CEP83: variants seen among roughly 807,000 people sequenced by gnomAD.
CEP83 encodes the protein centrosomal protein of 83 kDa.
In CEP83, 70 loss-of-function variants were observed where a neutral mutation model predicts 101.9. The ratio of observed to expected loss-of-function variants is 0.69; its 90% CI spans 0.57 to 0.84. CEP83 has a LOEUF of 0.84. CEP83 is among the 40% of genes least tolerant of loss of function. The probability of loss-of-function intolerance (pLI) is 0.00; values close to 1 mark genes in which losing one functional copy is unlikely to be tolerated. For missense variants in CEP83, 715 were observed against 787.2 expected, an observed-to-expected ratio of 0.91 and a Z score of 1.10; for synonymous variants, 264 against 267.9, an observed-to-expected ratio of 0.99 and a Z score of 0.14.
rs763684946 is a variant in CEP83, at chr12:94,368,198, A to C, written c.1052T>G (p.Leu351Ter). ...TTTGAGAATTTCATTGTCTGACTGT[A>C]ATCCTAGTGTTTTTCAAGGAGAAAA... is the stretch of plus-strand genomic sequence containing the variant. ...RNKIQSELDG[L>*]QSDNEILKAA... Residue 351 changes from leucine to a stop codon, truncating the protein, a stop_gained, in exon 10 of 17, where the codon TTA becomes TGA. Coordinates refer to ENST00000397809, the MANE Select transcript of CEP83 (RefSeq NM_016122.3). LOFTEE classifies it high-confidence loss of function. The C allele has an allele frequency of 6.2e-7, 1 of 1,608,844 alleles. No homozygotes were observed. The highest frequency in any genetic ancestry group is 8.5e-7 in the Non-Finnish European group (1 of 1,177,968).
At chr12:94,274,155 T>TTAAAAAA in the CEP83 span, among the ~76,000 whole-genome samples, 3 of 45,376 alleles carry the variant, frequency 6.6e-5, 1 homozygote, top group African/African-American at 3.5e-4. Flanking sequence ...ACCCTGTCTC[T>TTAAAAAA]AAAAAAAAAA....
At chr12:94,453,134 C>T (rs893737397) in intron 1 of CEP83, among the ~76,000 whole-genome samples, 7 of 152,144 alleles carry the variant, frequency 4.6e-5, no homozygotes, top group African/African-American at 1.4e-4. Context: ...GTTTCCAAAA[C>T]GTTACCCTAC....
chr12:94,436,347 G>A (rs2065985440), intron 1 of CEP83, among the ~76,000 whole-genome samples: 1 of 151,298 alleles, frequency 6.6e-6, no homozygotes. Context: ...TAAAAAACAG[G>A]ATATGGATGA....
intron 11 of CEP83, among the ~76,000 whole-genome samples, chr12:94,338,956 T>C (rs948448766): frequency 2.0e-5 from 3 of 151,228 alleles, no homozygotes; most frequent in African/African-American, 7.4e-5. Context: ...ATATATACTA[T>C]TTCTTTTTTT....
At chr12:94,343,129 A>G (rs529669473) in intron 11 of CEP83, among the ~76,000 whole-genome samples, 1 of 151,806 alleles carries the variant, frequency 6.6e-6, no homozygotes, top group Non-Finnish European at 1.5e-5. Context: ...TCATATATAT[A>G]TATATATATA....
intron 13 of CEP83, among the ~76,000 whole-genome samples, chr12:94,332,637 GT>G (rs2059273006): frequency 6.6e-6 from 1 of 152,072 alleles, no homozygotes. Context: ...CCAAGCACAT[GT>G]TTCTGTTTTT....
chr12:94,358,038 A>T (rs1378020779), intron 11 of CEP83, among the ~76,000 whole-genome samples: 1 of 152,248 alleles, frequency 6.6e-6, no homozygotes, highest in Non-Finnish European at 1.5e-5. Flanking sequence ...TGGTAGATAC[A>T]GGAGCAGACA....
the CEP83 span, among the ~76,000 whole-genome samples, chr12:94,292,723 A>G: frequency 6.6e-6 from 1 of 152,202 alleles, no homozygotes; most frequent in South Asian, 2.1e-4. Context: ...TAATTTGTGC[A>G]CAAATCAAAG....
intron 2 of CEP83, among the ~76,000 whole-genome samples, chr12:94,428,868 A>C (rs1051374470): frequency 2.0e-5 from 3 of 152,198 alleles, no homozygotes; most frequent in Admixed American, 1.3e-4. Context: ...CCATATTCAG[A>C]GTACTCCATG....
chr12:94,307,561 T>C (rs1454093739), downstream of CEP83: 2 of 152,204 alleles, frequency 1.3e-5, no homozygotes, highest in African/African-American at 2.4e-5. Flanking sequence ...TCTGTTACCT[T>C]TTCTGTATTA....
chr12:94,443,549 A>T (rs1376132408), intron 1 of CEP83, among the ~76,000 whole-genome samples: 1 of 152,032 alleles, frequency 6.6e-6, no homozygotes, highest in East Asian at 1.9e-4. Flanking sequence ...CTAGAGTACA[A>T]TGGCGCAATC....
At chr12:94,338,591 G>C (rs2059548031) in intron 11 of CEP83, among the ~76,000 whole-genome samples, 1 of 152,084 alleles carries the variant, frequency 6.6e-6, no homozygotes, top group African/African-American at 2.4e-5. Flanking sequence ...AAAATGTTGA[G>C]ATTGCAAAAA....
At chr12:94,407,969 C>T (rs1478205242) in intron 4 of CEP83, 2 of 152,222 alleles carry the variant, frequency 1.3e-5, no homozygotes, top group African/African-American at 4.8e-5. Context: ...AAGCATGTAC[C>T]ACTACACCCA....
chr12:94,378,901 C>T lies in CEP83; in HGVS notation c.691G>A (p.Val231Ile). ...TCCTTTTCAGCCTTTAATTCCGCTA[C>T]TTCAGCCTCTAAACCTTTTAATTTT... ...CQKLKGLEAE[V>I]AELKAEKENS... The change falls in exon 7 of 17, where the codon GTA becomes ATA. Residue 231 changes from valine to isoleucine, a missense_variant. Transcript: ENST00000397809. The T allele has an allele frequency of 6.2e-7, 1 of 1,614,124 alleles. No individual in the cohort carries two copies. Among genetic ancestry groups the T allele is most frequent in the Non-Finnish European group, 8.5e-7 (1 of 1,179,996 alleles).
chr12:94,343,474 T>C (rs1169930819), intron 11 of CEP83, among the ~76,000 whole-genome samples: 140 of 33,424 alleles, frequency 4.2e-3, no homozygotes, highest in Middle Eastern at 0.02. Context: ...AATTAACTTT[T>C]TTTTTTTTTT....
intron 6 of CEP83, among the ~76,000 whole-genome samples, chr12:94,389,622 A>C (rs1008916063): frequency 6.6e-6 from 1 of 152,160 alleles, no homozygotes; most frequent in Non-Finnish European, 1.5e-5. Context: ...GGACTGGTGG[A>C]CAGTGAGTGC....
intron 15 of CEP83, chr12:94,312,543 A>C (rs1477176269): frequency 2.0e-6 from 2 of 984,386 alleles, no homozygotes; most frequent in Non-Finnish European, 1.2e-6. Context: ...AGCTCAATAA[A>C]ATCTCCACAC....
chr12:94,413,825 TACACACACACACACACACACAC>T (rs56372938), intron 2 of CEP83, among the ~76,000 whole-genome samples: 2 of 140,394 alleles, frequency 1.4e-5, no homozygotes, highest in Non-Finnish European at 3.1e-5. Flanking sequence ...CCATAATACA[TACACACACACACACACACACAC>T]ACACACACAC....
intron 11 of CEP83, among the ~76,000 whole-genome samples, chr12:94,351,427 C>T (rs1479482718): frequency 6.6e-6 from 1 of 152,184 alleles, no homozygotes; most frequent in Non-Finnish European, 1.5e-5. Context: ...GAAATACATG[C>T]TGCCATGGGG....
Sources: allele counts gnomAD v4.1 joint callset (sites outside exome capture counted in the v4.1 genomes callset), GRCh38; gene constraint gnomAD v4.1.1; transcripts MANE v1.5; gene names NCBI Gene and HGNC (gene_info 2026-07-23, HGNC 2026-07-21).